The following SMYD3 variants were observed in gnomAD, a reference collection of about 807,000 sequenced individuals.
SMYD3 encodes histone-lysine N-methyltransferase SMYD3.
SMYD3 carries 36 observed loss-of-function variants against 57.7 expected under a neutral mutation model. The observed-to-expected ratio is 0.62, with a 90% confidence interval of 0.48 to 0.82. The LOEUF (loss-of-function observed/expected upper bound fraction) is 0.82, where lower values mean the gene tolerates loss of function less well. SMYD3 is among the 40% of genes least tolerant of loss of function. The probability of loss-of-function intolerance (pLI) is 0.00; values close to 1 mark genes in which losing one functional copy is unlikely to be tolerated. For synonymous variants in SMYD3, 211 were observed against 195.0 expected (o/e 1.08, Z -0.68); for missense variants, 515 against 538.8 (o/e 0.96, Z 0.44).
chr1:246,455,633 G>A (rs1415375061), intron 1 of SMYD3, among the ~76,000 whole-genome samples: 4 of 152,286 alleles, frequency 2.6e-5, no homozygotes, highest in Non-Finnish European at 5.9e-5. Flanking sequence ...GATAGAATGC[G>A]TTCTTTACAA....
intron 5 of SMYD3, among the ~76,000 whole-genome samples, chr1:246,238,837 T>C (rs1408386129): frequency 6.6e-6 from 1 of 151,872 alleles, no homozygotes; most frequent in East Asian, 1.9e-4. Flanking sequence ...CCTTCTTACT[T>C]AACAAATAGT....
intron 5 of SMYD3, among the ~76,000 whole-genome samples, chr1:246,307,389 C>A (rs12404324): frequency 6.6e-6 from 1 of 150,402 alleles, no homozygotes; most frequent in Non-Finnish European, 1.5e-5. Context: ...TTTGAAGAAC[C>A]CTGCTCTCAT....
chr1:246,194,898 C>T (rs559939988), intron 5 of SMYD3, among the ~76,000 whole-genome samples: 85 of 152,280 alleles, frequency 5.6e-4, no homozygotes, highest in African/African-American at 1.9e-3. Context: ...GTCCCTCGTA[C>T]AATGAAGATT....
chr1:246,258,507 T>C (rs1023114205), intron 5 of SMYD3, among the ~76,000 whole-genome samples: 4 of 152,218 alleles, frequency 2.6e-5, no homozygotes, highest in Non-Finnish European at 5.9e-5. Flanking sequence ...AAACTCTTGG[T>C]TGCAATTTCT....
chr1:246,293,504 T>G (rs532076095), intron 5 of SMYD3, among the ~76,000 whole-genome samples: 47 of 152,284 alleles, frequency 3.1e-4, no homozygotes, highest in South Asian at 6.2e-4. Flanking sequence ...ACATTAGCAT[T>G]CACCCACGTG....
intron 2 of SMYD3, among the ~76,000 whole-genome samples, chr1:246,348,151 C>T (rs754302223): frequency 1.5e-4 from 22 of 149,752 alleles, no homozygotes; most frequent in Non-Finnish European, 2.8e-4. Context: ...CGCATTGGCT[C>T]ATGCCTGTAA....
chr1:246,134,763 C>T (rs1033410436), intron 5 of SMYD3, among the ~76,000 whole-genome samples: 14 of 151,554 alleles, frequency 9.2e-5, no homozygotes, highest in African/African-American at 3.1e-4. Flanking sequence ...GCATCTACAC[C>T]TATATGCAAC....
At chr1:246,356,346 G>A (rs905723289) in intron 1 of SMYD3, among the ~76,000 whole-genome samples, 1 of 151,964 alleles carries the variant, frequency 6.6e-6, no homozygotes, top group Admixed American at 6.6e-5. Flanking sequence ...AAATGAGAAG[G>A]AACCAGAAAA....
chr1:246,384,696 C>G (rs1220929263), intron 1 of SMYD3, among the ~76,000 whole-genome samples: 2 of 151,974 alleles, frequency 1.3e-5, no homozygotes, highest in Non-Finnish European at 2.9e-5. Context: ...TGCACCTGGT[C>G]TAAAAATAGA....
intron 10 of SMYD3, among the ~76,000 whole-genome samples, chr1:245,856,376 C>A (rs542679052): frequency 1.3e-5 from 2 of 152,292 alleles, no homozygotes; most frequent in African/African-American, 4.8e-5. Context: ...ACTCAACACA[C>A]GCCAGGGAAG....
At chr1:245,932,858 G>C (rs2056802623) in intron 5 of SMYD3, among the ~76,000 whole-genome samples, 1 of 152,144 alleles carries the variant, frequency 6.6e-6, no homozygotes, top group Non-Finnish European at 1.5e-5. Flanking sequence ...CATAGCTCCT[G>C]GATTTCATCT....
intron 5 of SMYD3, among the ~76,000 whole-genome samples, chr1:245,938,269 G>A (rs564766710): frequency 3.3e-4 from 50 of 152,288 alleles, no homozygotes; most frequent in African/African-American, 1.1e-3. Flanking sequence ...CCCGCATGAA[G>A]GTATTTTGGG....
At chr1:246,465,557 G>A (rs375083420) in intron 1 of SMYD3, among the ~76,000 whole-genome samples, 1 of 152,280 alleles carries the variant, frequency 6.6e-6, no homozygotes, top group East Asian at 1.9e-4. Flanking sequence ...ATCGGGGCGG[G>A]GCACGGTGGC....
At chr1:246,314,768 G>A (rs763520856) in intron 5 of SMYD3, among the ~76,000 whole-genome samples, 30 of 152,176 alleles carry the variant, frequency 2.0e-4, no homozygotes, top group Non-Finnish European at 4.4e-5. Context: ...ATTTAAACAC[G>A]GACATACAGA....
chr1:245,948,867 C>T (rs998933987), intron 5 of SMYD3, among the ~76,000 whole-genome samples: 2 of 152,190 alleles, frequency 1.3e-5, no homozygotes, highest in Non-Finnish European at 2.9e-5. Flanking sequence ...GGACACCTGG[C>T]CCAGTTCCAC....
intron 5 of SMYD3, among the ~76,000 whole-genome samples, chr1:246,185,554 C>T (rs1217306928): frequency 1.3e-5 from 2 of 151,032 alleles, no homozygotes; most frequent in Non-Finnish European, 2.9e-5. Context: ...CTCCGCCTCC[C>T]GGGTTCAAGC....
chr1:245,834,065 TC>T lies in SMYD3; in HGVS notation c.1076+24430del, dbSNP rs1558401927. ...TTCCCAAACTAATTTGATCACAGAG[TC>T]CTCTTTTCACTTAAGGCCCTTTCTT... On this transcript the variant is annotated intron_variant, in intron 10 of 11. Transcript: ENST00000490107. Among the ~76,000 whole-genome samples, 4 of 152,214 alleles carry T rather than the reference TC, an allele frequency of 2.6e-5. No homozygotes were observed. The East Asian group carries it at 7.7e-4, about 29-fold the overall frequency.
At chr1:246,093,446 A>G (rs2060856641) in intron 5 of SMYD3, among the ~76,000 whole-genome samples, 1 of 152,214 alleles carries the variant, frequency 6.6e-6, no homozygotes, top group South Asian at 2.1e-4. Flanking sequence ...ATAAAAAAGA[A>G]TAAAGTCCTG....
At chr1:246,138,469 A>C (rs915278838) in intron 5 of SMYD3, among the ~76,000 whole-genome samples, 34 of 141,712 alleles carry the variant, frequency 2.4e-4, no homozygotes, top group African/African-American at 8.4e-4. Flanking sequence ...TCTGTCGCCC[A>C]GGCTGGAGTG....
Sources: gnomAD v4.1 joint callset for allele counts (sites outside exome capture counted in the v4.1 genomes callset) on GRCh38, gnomAD v4.1.1 for gene constraint, MANE v1.5 for transcripts, NCBI Gene and HGNC (gene_info 2026-07-23, HGNC 2026-07-21) for gene names.